TRPC5: variants seen among roughly 807,000 people sequenced by gnomAD.
TRPC5 encodes the protein transient receptor potential cation channel subfamily C member 5, also known as short transient receptor potential channel 5.
TRPC5 carries 9 observed loss-of-function variants against 56.5 expected under a neutral mutation model. The observed-to-expected ratio is 0.16, with a 90% CI of 0.10 to 0.28. The LOEUF is 0.28. Ranked by LOEUF, TRPC5 falls within the 10% of genes least tolerant of loss-of-function variation. TRPC5 has a pLI of 1.00. For missense variants in TRPC5, 469 were observed against 748.9 expected, an observed-to-expected ratio of 0.63 and a Z score of 4.36; for synonymous variants, 282 against 278.5, an observed-to-expected ratio of 1.01 and a Z score of -0.13.
intron 7 of TRPC5, among the ~76,000 whole-genome samples, chrX:111,787,317 A>T (rs2148552834): frequency 8.9e-6 from 1 of 111,833 alleles, no homozygotes; most frequent in East Asian, 2.8e-4. Context: ...CTGGGTAAAT[A>T]ACAAAATGAA....
chrX:111,906,108 A>G (rs752854379), intron 3 of TRPC5, among the ~76,000 whole-genome samples: 9 of 110,411 alleles, frequency 8.2e-5, no homozygotes, highest in Admixed American at 3.9e-4. Flanking sequence ...TAATCCTAGC[A>G]CTTTGGGAGG....
chrX:111,798,699 C>T lies in TRPC5; in HGVS notation c.1897-16561G>A, dbSNP rs150915516. 1.1e-3 allele frequency among the ~76,000 whole-genome samples: 126 copies of T among 111,601 alleles called. 2 individuals carry two copies. In the East Asian group the frequency reaches 0.032, roughly 29 times the overall value. ...TGTGAAGCTGTCACTGCAGCTATTC[C>T]AGCATGTGCAAAAACTTTGCACTTT... On this transcript the variant is annotated intron_variant, in intron 7 of 10. Transcript: ENST00000262839.
At chrX:111,956,431 C>T (rs1927238127) in intron 1 of TRPC5, among the ~76,000 whole-genome samples, 1 of 111,555 alleles carries the variant, frequency 9.0e-6, no homozygotes, top group Non-Finnish European at 1.9e-5. Flanking sequence ...TGACTGGTAA[C>T]ACATTGAATA....
At chrX:112,002,512 G>T (rs941829672) in intron 1 of TRPC5, among the ~76,000 whole-genome samples, 1 of 111,461 alleles carries the variant, frequency 9.0e-6, no homozygotes, top group East Asian at 2.8e-4. Context: ...TCTTTTTCTC[G>T]TTCTTTCTTA....
chrX:111,809,907 T>TTTCTG (rs1556558689), intron 7 of TRPC5, among the ~76,000 whole-genome samples: 4 of 108,864 alleles, frequency 3.7e-5, no homozygotes, highest in Non-Finnish European at 5.7e-5. Flanking sequence ...GTTGTTGTTG[T>TTTCTG]TTTTGTTTTG....
At chrX:111,786,444 C>G (rs950345899) in intron 7 of TRPC5, among the ~76,000 whole-genome samples, 2 of 111,721 alleles carry the variant, frequency 1.8e-5, no homozygotes. Context: ...ACAACCGGTA[C>G]TAGCCACTGC....
rs747084847 is a variant in TRPC5, at chrX:111,960,763, G to T, written c.-21-8322C>A. 3.6e-5 allele frequency among the ~76,000 whole-genome samples: 4 copies of T among 110,643 alleles called. No individual in the cohort carries two copies. In the South Asian group the frequency reaches 1.6e-3, roughly 43 times the overall value. On this transcript the variant is annotated intron_variant, in intron 1 of 10. Transcript: ENST00000262839. ...GCTTATTGGCCAAACTTCCTTAAAT[G>T]GGACAAAGGGACTACTTTACAAAAT...
chrX:111,839,571 A>G (rs1273617145), intron 6 of TRPC5, among the ~76,000 whole-genome samples: 3 of 111,887 alleles, frequency 2.7e-5, no homozygotes, highest in African/African-American at 9.8e-5. Flanking sequence ...TTGTCCCTCG[A>G]TATCTGCAAA....
intron 2 of TRPC5, among the ~76,000 whole-genome samples, chrX:111,939,929 G>C (rs1926719583): frequency 9.0e-6 from 1 of 110,886 alleles, no homozygotes; most frequent in South Asian, 3.8e-4. Flanking sequence ...CTAATTTTGT[G>C]TTTGGTTTGC....
At chrX:112,068,985 G>A (rs1930653562) in intron 1 of TRPC5, among the ~76,000 whole-genome samples, 1 of 111,712 alleles carries the variant, frequency 9.0e-6, no homozygotes, top group African/African-American at 3.3e-5. Flanking sequence ...CTTGCCCAAG[G>A]TCTTATGACT....
At position 112,048,048 on chromosome X, in the gene TRPC5, T is replaced by A. The variant is rs1197714163; in HGVS notation, c.-22+33831A>T. On this transcript the variant is annotated intron_variant, in intron 1 of 10. Transcript: ENST00000262839. ...TGGCACCTAGTATAACCTCAATTCT[T>A]CAGTGAATATCTGTCGCCAATGCTG... Among the ~76,000 whole-genome samples the A allele has an allele frequency of 4.5e-5, 5 of 111,935 alleles. No homozygotes were observed. In the East Asian group the frequency reaches 1.4e-3, roughly 31 times the overall value.
At chrX:111,840,331 C>CTTTATAT (rs1922693653) in intron 6 of TRPC5, among the ~76,000 whole-genome samples, 1 of 111,779 alleles carries the variant, frequency 8.9e-6, no homozygotes, top group African/African-American at 3.2e-5. Flanking sequence ...CTGGCCCATT[C>CTTTATAT]CATATACTTT....
rs145451372 is a variant in TRPC5 at position 111,924,742 on chromosome X, C to T, written c.379-11930G>A. Among the ~76,000 whole-genome samples the T allele has an allele frequency of 4.3e-3, 481 of 112,536 alleles. 2 individuals are homozygous for T. The highest frequency in any genetic ancestry group is 7.6e-3 in the Admixed American group (81 of 10,617). ...TCACATTCTTTCTCTCAGTTATCCA[C>T]ACCTGAGGCAGGCCAGGCAGCTGAC... is the stretch of plus-strand genomic sequence containing the variant. On this transcript the variant is annotated intron_variant, in intron 2 of 10. Coordinates refer to ENST00000262839, the MANE Select transcript of TRPC5 (RefSeq NM_012471.3).
chrX:111,807,994 ACG>A (rs1909093546), intron 7 of TRPC5, among the ~76,000 whole-genome samples: 2 of 73,602 alleles, frequency 2.7e-5, no homozygotes, highest in South Asian at 9.0e-4. Flanking sequence ...GTGTGTGTGC[ACG>A]CGCTGAGCTG....
chrX:112,024,276 T>A (rs1351517247), intron 1 of TRPC5, among the ~76,000 whole-genome samples: 27 of 111,723 alleles, frequency 2.4e-4, no homozygotes, highest in Admixed American at 2.3e-3. Context: ...AGATTAACAT[T>A]TGAATTGGTA....
chrX:111,978,137 A>T (rs899332943), intron 1 of TRPC5, among the ~76,000 whole-genome samples: 11 of 112,103 alleles, frequency 9.8e-5, no homozygotes, highest in African/African-American at 2.9e-4. Flanking sequence ...GGAATTGAAA[A>T]TAGCATCACA....
chrX:111,826,983 G>A (rs1922257286), intron 7 of TRPC5, among the ~76,000 whole-genome samples: 1 of 111,739 alleles, frequency 8.9e-6, no homozygotes, highest in Non-Finnish European at 1.9e-5. Context: ...GTGCATATCA[G>A]GTGCTTCTTG....
At chrX:111,989,028 C>T (rs1424994236) in intron 1 of TRPC5, among the ~76,000 whole-genome samples, 1 of 111,810 alleles carries the variant, frequency 8.9e-6, no homozygotes, top group Admixed American at 9.5e-5. Context: ...TGGCACATAG[C>T]AGGTAATCAA....
intron 3 of TRPC5, 22 bp downstream of exon 3, chrX:111,912,269 A>G: frequency 8.6e-7 from 1 of 1,168,296 alleles, no homozygotes; most frequent in Non-Finnish European, 1.1e-6. Context: ...CTTCCCTGAA[A>G]GCAGACATGA....
Sources: allele counts gnomAD v4.1 joint callset (sites outside exome capture counted in the v4.1 genomes callset), GRCh38; gene constraint gnomAD v4.1.1; transcripts MANE v1.5; gene names NCBI Gene and HGNC (gene_info 2026-07-23, HGNC 2026-07-21).